Variants in ATP1A3 observed in about 807,000 individuals in gnomAD.
The protein encoded by ATP1A3 is sodium/potassium-transporting ATPase subunit alpha-3.
In ATP1A3, 12 loss-of-function variants were observed where a neutral mutation model predicts 108.8. The ratio of observed to expected loss-of-function variants is 0.11; its 90% CI spans 0.07 to 0.18. The LOEUF (loss-of-function observed/expected upper bound fraction) is 0.18. Among genes scored for constraint, ATP1A3 ranks in the 10% least tolerant of loss-of-function variants. The pLI is 1.00. For synonymous variants in ATP1A3, 539 were observed against 564.5 expected (o/e 0.95, Z 0.64); for missense variants, 498 against 1,387.7 (o/e 0.36, Z 10.19).
intron 1 of ATP1A3, among the ~76,000 whole-genome samples, chr19:41,989,316 C>CTTTT (rs1217199421): frequency 5.9e-5 from 8 of 134,810 alleles, no homozygotes; most frequent in East Asian, 2.2e-4. Flanking sequence ...ACATATCTGT[C>CTTTT]TTTTTTTTTT....
chr19:41,982,291 C>A (rs2075241465), intron 8 of ATP1A3, among the ~76,000 whole-genome samples, 185 bp from the exon 9 acceptor site: 2 of 152,120 alleles, frequency 1.3e-5, no homozygotes, highest in Admixed American at 1.3e-4. Context: ...CAGAGACACC[C>A]AAAGACAGGG....
chr19:41,986,096 C>G lies in ATP1A3; in HGVS notation c.471+20G>C, dbSNP rs1555865335. 1 of 1,614,162 alleles carries G rather than the reference C, an allele frequency of 6.2e-7. No homozygotes were observed. The highest frequency in any genetic ancestry group is 8.5e-7 in the Non-Finnish European group (1 of 1,180,010). ...CATACACTAACACCCCCGTCTGGCC[C>G]CTTGCTGGGCACCCTTCACCTGGGG... On this transcript the variant is annotated intron_variant, in intron 5 of 22. Transcript: ENST00000648268.
rs781881410 is a variant in ATP1A3, at chr19:41,988,128, G to A, written c.165C>T (p.His55=). Reference sequence around the variant, plus strand: ...GGGCCAGGATCTCCTGGGCTTTGCTGTGGGTCAAACCCTGAGGGACAGAGG... The same window carrying A: ...GGGCCAGGATCTCCTGGGCTTTGCTATGGGTCAAACCCTGAGGGACAGAGG... The part of the protein sequence containing the change: ...YNTDCVQGLT[H]SKAQEILARD... Residue 55 remains histidine, a synonymous_variant, in exon 4 of 23, where the codon CAC becomes CAT. Coordinates refer to ENST00000648268, the MANE Select transcript of ATP1A3 (RefSeq NM_152296.5). This position sits in a 1 kb window ranked among gnomAD's most constrained non-coding sequence, Gnocchi z 5.3. 9 of 1,614,044 alleles carry A rather than the reference G, an allele frequency of 5.6e-6. No individual in the cohort carries two copies. The highest frequency in any genetic ancestry group is 7.6e-6 in the Non-Finnish European group (9 of 1,180,034).
rs782378908 is a variant in ATP1A3, at chr19:41,976,401, G to C, written c.2094+15C>G. The stretch of plus-strand genomic sequence containing the variant: ...GTCAAGGCCCCGTCCCCTCCTCTGC[G>C]GGAGCGCAGCCCACCTGTCTCTGAC... On this transcript the variant is annotated intron_variant, in intron 15 of 22. Coordinates refer to ENST00000648268, the MANE Select transcript of ATP1A3 (RefSeq NM_152296.5). 3.7e-6 allele frequency: 6 copies of C among 1,613,932 alleles called. No individual in the cohort carries two copies. Among genetic ancestry groups the C allele is most frequent in the Admixed American group, 3.3e-5 (2 of 59,988 alleles).
intron 8 of ATP1A3, among the ~76,000 whole-genome samples, chr19:41,983,594 T>A (rs1173001726): frequency 8.9e-5 from 13 of 145,368 alleles, no homozygotes; most frequent in African/African-American, 3.3e-4. Context: ...TAATTATTAT[T>A]ATTATAATAA....
At chr19:41,990,973 A>T (rs1555867113) in intron 1 of ATP1A3, 1 of 152,310 alleles carries the variant, frequency 6.6e-6, no homozygotes, top group Non-Finnish European at 1.5e-5. Flanking sequence ...GAGCGTCCTT[A>T]ACAGAGGCTG....
intron 4 of ATP1A3, chr19:41,986,448 C>T (rs567323415): frequency 1.7e-5 from 8 of 468,104 alleles, no homozygotes; most frequent in African/African-American, 1.4e-4. Context: ...AAGGGTCTGT[C>T]GATTTTTTTT....
In ATP1A3 at chr19:41,981,181, T is replaced by A. The variant is rs2075227512; in HGVS notation, c.1437+321A>T. Among the ~76,000 whole-genome samples, 1 of 151,668 alleles carries A rather than the reference T, an allele frequency of 6.6e-6. No homozygotes were observed. Among genetic ancestry groups the A allele is most frequent in the African/African-American group, 2.4e-5 (1 of 41,276 alleles). On this transcript the variant is annotated intron_variant, in intron 11 of 22. Coordinates refer to ENST00000648268, the MANE Select transcript of ATP1A3 (RefSeq NM_152296.5). The surrounding 1 kb of genome is among the most constrained non-coding windows in gnomAD (Gnocchi z 5.0). The stretch of plus-strand genomic sequence containing the variant: ...CTGGCTAATTAAAAAAAAAATTTCG[T>A]ACAGATGGGGTTTTGCCATCTTGCC...
At chr19:41,974,924 C>T (rs79408874) in intron 16 of ATP1A3, among the ~76,000 whole-genome samples, 146 of 152,338 alleles carry the variant, frequency 9.6e-4, no homozygotes, top group African/African-American at 3.3e-3. Context: ...TCTATGTGGA[C>T]GTCACAGCAT....
intron 14 of ATP1A3, 125 bp downstream of exon 14, chr19:41,977,810 CT>C: frequency 7.0e-7 from 1 of 1,423,850 alleles, no homozygotes; most frequent in Non-Finnish European, 9.4e-7. Flanking sequence ...GACCCAGGGC[CT>C]GGTCCATGGA....
intron 16 of ATP1A3, among the ~76,000 whole-genome samples, chr19:41,971,726 G>A (rs1555859922): frequency 6.6e-6 from 1 of 152,150 alleles, no homozygotes; most frequent in Non-Finnish European, 1.5e-5. Context: ...GTTATGTCTA[G>A]GAGGAGGGAT....
rs544648794 is a variant in ATP1A3, at chr19:41,994,193, T to A, written c.-117A>T. The stretch of plus-strand genomic sequence containing the variant: ...GCCCGCGCCTCGGTAGGTGCGCGCG[T>A]CCGTCCGTCCGTCCGTTGGTCCCAC... On this transcript the variant is annotated 5_prime_UTR_variant, in exon 1 of 23. Transcript: ENST00000648268. The A allele has an allele frequency of 2.4e-6, 2 of 842,776 alleles. No individual in the cohort carries two copies. The highest frequency in any genetic ancestry group is 4.5e-5 in the South Asian group (2 of 44,002). The allele number at this position is 842,776 out of a possible 1,614,324, so 52.2% of individuals were successfully genotyped here.
chr19:41,984,030 C>A (rs2075262443), intron 8 of ATP1A3, among the ~76,000 whole-genome samples: 1 of 151,874 alleles, frequency 6.6e-6, no homozygotes, highest in South Asian at 2.1e-4. Context: ...CCGCCTCGGC[C>A]TCCCAAAGTC....
rs1168411680 is a variant in ATP1A3 at position 41,982,174 on chromosome 19, G to A, written c.994-68C>T. The A allele has an allele frequency of 8.1e-6, 13 of 1,611,684 alleles. No homozygotes were observed. In the South Asian group the frequency reaches 8.8e-5, roughly 11 times the overall value. ...GGCAGCAGGGTTGGATGAGCGACAC[G>A]AGGGCCACAGCCCAGCTGCCCAGCC... On this transcript the variant is annotated intron_variant, in intron 8 of 22. Transcript: ENST00000648268.
chr19:41,973,002 G>T (rs889592838), intron 16 of ATP1A3, among the ~76,000 whole-genome samples: 5 of 152,172 alleles, frequency 3.3e-5, no homozygotes, highest in African/African-American at 1.2e-4. Flanking sequence ...GGCCTGGGCC[G>T]CTCCCACCTG....
Position 41,978,471 on chromosome 19 carries a change from T to TCATC in ATP1A3, c.1630+131_1630+134dup, listed in dbSNP as rs1568860272. 7.4e-6 allele frequency: 11 copies of TCATC among 1,481,678 alleles called. No homozygotes were observed. Among genetic ancestry groups the TCATC allele is most frequent in the Admixed American group, 1.8e-5 (1 of 55,004 alleles). The allele number at this position is 1,481,678 out of a possible 1,614,324, so 91.8% of individuals were successfully genotyped here. A position where few individuals can be genotyped will look rare whatever the true frequency, so the allele number is the denominator to read the frequency against. On this transcript the variant is annotated intron_variant, in intron 12 of 22. Coordinates refer to ENST00000648268, the MANE Select transcript of ATP1A3 (RefSeq NM_152296.5). The surrounding 1 kb of genome is among the most constrained non-coding windows in gnomAD (Gnocchi z 8.3). ...TCATTTCCTAGGATACCTTCCCCTC[T>TCATC]CATCCATCCATTCATTCATTCATTC...
chr19:41,973,246 G>A (rs2075132403), intron 16 of ATP1A3, among the ~76,000 whole-genome samples: 1 of 152,130 alleles, frequency 6.6e-6, no homozygotes, highest in Non-Finnish European at 1.5e-5. Flanking sequence ...GCCCCCGTTG[G>A]AAGTTATTTT....
chr19:41,969,910 C>T (rs782541317), intron 18 of ATP1A3, among the ~76,000 whole-genome samples: 5 of 152,202 alleles, frequency 3.3e-5, no homozygotes, highest in African/African-American at 7.2e-5. Flanking sequence ...AATGACCTCC[C>T]TGGGCCTGGA....
chr19:41,987,837 G>T (rs1207297069), intron 4 of ATP1A3, 99 bp downstream of exon 4: 6 of 1,413,382 alleles, frequency 4.2e-6, no homozygotes, highest in Non-Finnish European at 5.9e-6. Context: ...AAGGGGGAGA[G>T]TGGGCTGTGA....
Sources: allele counts gnomAD v4.1 joint callset (sites outside exome capture counted in the v4.1 genomes callset), GRCh38; gene constraint gnomAD v4.1.1; non-coding constraint Gnocchi (gnomAD v3.1); transcripts MANE v1.5; gene names NCBI Gene and HGNC (gene_info 2026-07-23, HGNC 2026-07-21).